Variants in SEMA3A observed in about 807,000 individuals in gnomAD.
The protein encoded by SEMA3A is semaphorin-3A.
SEMA3A carries 29 observed loss-of-function variants against 97.9 expected under a neutral mutation model. The observed-to-expected ratio is 0.30, with a 90% CI of 0.22 to 0.40. SEMA3A has a LOEUF of 0.40. Ranked by LOEUF, SEMA3A falls within the 10% of genes least tolerant of loss-of-function variation. SEMA3A has a pLI of 1.00. For synonymous variants in SEMA3A, 321 were observed against 323.7 expected (o/e 0.99, Z 0.09); for missense variants, 763 against 951.3 (o/e 0.80, Z 2.60).
At chr7:84,258,576 CA>C (rs1799769991) in intron 3 of SEMA3A, among the ~76,000 whole-genome samples, 1 of 151,960 alleles carries the variant, frequency 6.6e-6, no homozygotes, top group East Asian at 1.9e-4. Flanking sequence ...CATTTTCAGA[CA>C]AGCAAAAATA....
chr7:84,283,130 G>A (rs916098148), intron 3 of SEMA3A, among the ~76,000 whole-genome samples: 1 of 152,098 alleles, frequency 6.6e-6, no homozygotes, highest in African/African-American at 2.4e-5. Flanking sequence ...GTGTGTGTGT[G>A]TGTTTGGGGT....
intron 1 of SEMA3A, among the ~76,000 whole-genome samples, chr7:84,388,012 T>G (rs1199986442): frequency 9.6e-6 from 1 of 103,722 alleles, no homozygotes; most frequent in Non-Finnish European, 2.3e-5. Flanking sequence ...AACACAGATA[T>G]AGGATAGAAG....
chr7:84,004,281 T>TAC (rs1790576046), intron 11 of SEMA3A, among the ~76,000 whole-genome samples: 1 of 152,050 alleles, frequency 6.6e-6, no homozygotes, highest in African/African-American at 2.4e-5. Flanking sequence ...AATAAAATAA[T>TAC]ATATCATAAT....
chr7:84,349,366 C>T (rs1802381493), intron 2 of SEMA3A, among the ~76,000 whole-genome samples: 1 of 152,088 alleles, frequency 6.6e-6, no homozygotes, highest in African/African-American at 2.4e-5. Flanking sequence ...ATGGTAGGTA[C>T]TAGGGATTCA....
chr7:84,083,378 T>C (rs751504141), intron 4 of SEMA3A, among the ~76,000 whole-genome samples: 1 of 152,000 alleles, frequency 6.6e-6, no homozygotes, highest in Non-Finnish European at 1.5e-5. Context: ...AAGTACACAA[T>C]GTGTAATGAT....
chr7:84,133,081 T>C (rs17300760), intron 2 of SEMA3A, among the ~76,000 whole-genome samples: 74,121 of 152,016 alleles, frequency 0.49, 19,207 homozygotes, highest in East Asian at 0.68. Flanking sequence ...ACTTATCATT[T>C]CAGAAAAACA....
At chr7:84,247,557 T>G (rs1799504372) in intron 3 of SEMA3A, among the ~76,000 whole-genome samples, 1 of 151,816 alleles carries the variant, frequency 6.6e-6, no homozygotes, top group Non-Finnish European at 1.5e-5. Context: ...CAATAAAGAG[T>G]AACATAACTT....
chr7:84,342,612 T>A (rs930008493), intron 2 of SEMA3A, among the ~76,000 whole-genome samples: 2 of 152,212 alleles, frequency 1.3e-5, no homozygotes, highest in African/African-American at 4.8e-5. Context: ...TGTACAAATT[T>A]TTCAATAGAC....
chr7:84,082,592 C>T (rs1794201014), intron 4 of SEMA3A, among the ~76,000 whole-genome samples: 1 of 151,948 alleles, frequency 6.6e-6, no homozygotes, highest in African/African-American at 2.4e-5. Context: ...CTATTCCTTA[C>T]TTTAAAAAGA....
chr7:84,397,613 T>C (rs1394790036), intron 1 of SEMA3A, among the ~76,000 whole-genome samples: 1 of 151,738 alleles, frequency 6.6e-6, no homozygotes, highest in Non-Finnish European at 1.5e-5. Context: ...CTAGGTAAAC[T>C]TGTATTGTGG....
At chr7:84,476,012 A>G (rs1359820827) in intron 1 of SEMA3A, among the ~76,000 whole-genome samples, 1 of 152,250 alleles carries the variant, frequency 6.6e-6, no homozygotes, top group African/African-American at 2.4e-5. Context: ...AATTTCCATA[A>G]AAGTTTTATA....
At chr7:84,404,254 C>A (rs1290230224) in intron 1 of SEMA3A, among the ~76,000 whole-genome samples, 1 of 152,056 alleles carries the variant, frequency 6.6e-6, no homozygotes, top group Admixed American at 6.6e-5. Flanking sequence ...AATGCACAAG[C>A]CTCAGTAACC....
chr7:84,027,654 C>T (rs1791596681), intron 6 of SEMA3A, among the ~76,000 whole-genome samples: 1 of 152,086 alleles, frequency 6.6e-6, no homozygotes, highest in Non-Finnish European at 1.5e-5. Flanking sequence ...ATTATATATA[C>T]TTACATAATT....
intron 1 of SEMA3A, among the ~76,000 whole-genome samples, chr7:84,401,974 C>T (rs1803916067): frequency 6.6e-6 from 1 of 152,090 alleles, no homozygotes; most frequent in Non-Finnish European, 1.5e-5. Context: ...CAATCACATA[C>T]AATCAAAGCA....
In SEMA3A at chr7:84,448,343, G is replaced by A. The variant is rs545816586; in HGVS notation, c.-246+44117C>T. Among the ~76,000 whole-genome samples the A allele has an allele frequency of 8.4e-4, 128 of 152,220 alleles. 1 individual carries two copies. Among genetic ancestry groups the A allele is most frequent in the Middle Eastern group, 3.4e-3 (1 of 294 alleles). ...AAAAGAAAGAAATAAAATCCAAGTT[G>A]AAAAAGAAGTTGTTAAAATCATCTC... On this transcript the variant is annotated intron_variant, in intron 1 of 3. Transcript: ENST00000424555.
At chr7:84,302,946 A>G (rs1801057168) in intron 3 of SEMA3A, among the ~76,000 whole-genome samples, 1 of 152,232 alleles carries the variant, frequency 6.6e-6, no homozygotes, top group African/African-American at 2.4e-5. Flanking sequence ...AACACTTAGT[A>G]CAGATTAGCA....
At chr7:84,425,063 A>T (rs1804757448) in intron 1 of SEMA3A, among the ~76,000 whole-genome samples, 1 of 104,986 alleles carries the variant, frequency 9.5e-6, no homozygotes, top group Non-Finnish European at 1.7e-5. Context: ...TATAATTATA[A>T]TTTATAAATA....
chr7:84,260,122 T>C (rs978685723), intron 3 of SEMA3A, among the ~76,000 whole-genome samples: 4 of 152,136 alleles, frequency 2.6e-5, no homozygotes, highest in Non-Finnish European at 4.4e-5. Flanking sequence ...AATGAATAAA[T>C]GAGGGAATTA....
Position 83,961,551 on chromosome 7 carries a change from G to A in SEMA3A, c.2136C>T (p.His712=), listed in dbSNP as rs2116247254. The A allele has an allele frequency of 1.9e-6, 3 of 1,614,116 alleles. No homozygotes were observed. Among genetic ancestry groups the A allele is most frequent in the Non-Finnish European group, 2.5e-6 (3 of 1,179,974 alleles). Residue 712 remains histidine (H), a synonymous_variant, in exon 17 of 17, where the codon CAC becomes CAT. Transcript: ENST00000265362. ...ACTCATCCATTGTGTTGAGATTGGG[G>A]TGGTTGATGAGCTGCATGAAGTCTC... is the stretch of plus-strand genomic sequence containing the variant. ...WYRDFMQLIN[H]PNLNTMDEFC...
Sources: allele counts gnomAD v4.1 joint callset (sites outside exome capture counted in the v4.1 genomes callset), GRCh38; gene constraint gnomAD v4.1.1; transcripts MANE v1.5; gene names NCBI Gene and HGNC (gene_info 2026-07-23, HGNC 2026-07-21).